FIRRM: variants seen among roughly 807,000 people sequenced by gnomAD.
FIRRM encodes the protein FIGNL1 interacting regulator of recombination and mitosis, also known as FIGNL1-interacting regulator of recombination and mitosis.
the FIRRM span, among the ~76,000 whole-genome samples, chr1:169,804,733 G>C: frequency 6.6e-6 from 1 of 151,812 alleles, no homozygotes; most frequent in Admixed American, 6.6e-5. Context: ...GCCCAGGCTG[G>C]AGTGCAGTGG....
the FIRRM span, among the ~76,000 whole-genome samples, chr1:169,800,029 T>TTTTG: frequency 0.018 from 2,678 of 152,120 alleles, 82 homozygotes; most frequent in African/African-American, 0.06. Flanking sequence ...TGGCCTGTGT[T>TTTTG]TTTGTTTGTT....
At chr1:169,787,989 T>G in the FIRRM span, among the ~76,000 whole-genome samples, 1 of 152,192 alleles carries the variant, frequency 6.6e-6, no homozygotes, top group African/African-American at 2.4e-5. Flanking sequence ...AAAGGGCAAG[T>G]GGGGCTAAAA....
At chr1:169,815,586 G>A in the FIRRM span, among the ~76,000 whole-genome samples, 2 of 152,196 alleles carry the variant, frequency 1.3e-5, no homozygotes, top group Admixed American at 6.5e-5. Context: ...ATAGTGAGCA[G>A]TGAGGACAAC....
chr1:169,806,235 T>C, the FIRRM span: 1 of 587,130 alleles, frequency 1.7e-6, no homozygotes, highest in African/African-American at 1.9e-5. Context: ...CCAGATATTC[T>C]ACATGTAGCT....
At chr1:169,852,207 G>C in the FIRRM span, 1 of 458,198 alleles carries the variant, frequency 2.2e-6, no homozygotes, top group Admixed American at 3.8e-5. Flanking sequence ...TATAAATGCA[G>C]TCTTTACTGA....
At chr1:169,787,937 G>A in the FIRRM span, among the ~76,000 whole-genome samples, 1 of 152,130 alleles carries the variant, frequency 6.6e-6, no homozygotes, top group African/African-American at 2.4e-5. Flanking sequence ...GAAGACTGTG[G>A]AAGTTTGTAG....
chr1:169,827,292 A>AT, the FIRRM span: 2 of 1,068,940 alleles, frequency 1.9e-6, no homozygotes, highest in African/African-American at 3.2e-5. Context: ...CAATTAAGAA[A>AT]TTTTTATTAA....
the FIRRM span, among the ~76,000 whole-genome samples, chr1:169,824,446 A>C: frequency 1.0e-2 from 1,520 of 152,304 alleles, 27 homozygotes; most frequent in African/African-American, 0.035. Context: ...AATACAAAAC[A>C]AAATCTCTTG....
At chr1:169,839,201 C>A in the FIRRM span, among the ~76,000 whole-genome samples, 2 of 152,198 alleles carry the variant, frequency 1.3e-5, no homozygotes, top group African/African-American at 4.8e-5. Flanking sequence ...GATTCCATGT[C>A]TGCTGTTGTG....
chr1:169,793,451 G>A, the FIRRM span: 5 of 1,614,164 alleles, frequency 3.1e-6, no homozygotes, highest in East Asian at 1.1e-4. Flanking sequence ...TGAACTGCTG[G>A]CTGCACTGAG....
At chr1:169,849,608 A>G in the FIRRM span, 1 of 1,595,706 alleles carries the variant, frequency 6.3e-7, no homozygotes, top group African/African-American at 1.3e-5. Context: ...CGCTGAGGTA[A>G]TTATAAAACT....
At chr1:169,837,478 C>CT in the FIRRM span, among the ~76,000 whole-genome samples, 1 of 152,136 alleles carries the variant, frequency 6.6e-6, no homozygotes, top group Non-Finnish European at 1.5e-5. Flanking sequence ...TACTCTGAAC[C>CT]TTTATGTACC....
the FIRRM span, among the ~76,000 whole-genome samples, chr1:169,811,769 TTATCTAAATAGATAATAGAC>T: frequency 7.2e-6 from 1 of 139,846 alleles, no homozygotes; most frequent in African/African-American, 2.9e-5. Context: ...AATAGACAGA[TTATCTAAATAGATAATAGAC>T]AGATTATCTA....
the FIRRM span, among the ~76,000 whole-genome samples, chr1:169,804,615 A>G: frequency 2.0e-5 from 3 of 152,328 alleles, no homozygotes; most frequent in African/African-American, 4.8e-5. Flanking sequence ...AAATATGTCT[A>G]TTCTCATATA....
At chr1:169,795,824 C>A in the FIRRM span, 1 of 959,114 alleles carries the variant, frequency 1.0e-6, no homozygotes, top group South Asian at 5.1e-5. Flanking sequence ...ACTCCTCTCA[C>A]CCAGGCTGGA....
At chr1:169,811,370 G>GT in the FIRRM span, among the ~76,000 whole-genome samples, 3 of 152,014 alleles carry the variant, frequency 2.0e-5, no homozygotes, top group African/African-American at 7.2e-5. Context: ...TATTTTAATT[G>GT]TTTTATTAAA....
chr1:169,795,942 C>T, the FIRRM span: 1 of 985,456 alleles, frequency 1.0e-6, no homozygotes, highest in South Asian at 4.7e-5. Flanking sequence ...TGGTCTCATG[C>T]CTTTGTGGTT....
the FIRRM span, among the ~76,000 whole-genome samples, chr1:169,789,643 C>T: frequency 1.3e-4 from 20 of 152,136 alleles, no homozygotes; most frequent in Admixed American, 1.2e-3. Context: ...GCAACCAAAG[C>T]TTCCAAAAAA....
At chr1:169,815,159 A>T in the FIRRM span, among the ~76,000 whole-genome samples, 1 of 151,542 alleles carries the variant, frequency 6.6e-6, no homozygotes, top group African/African-American at 2.4e-5. Context: ...AGCTGGGCAC[A>T]GTGGTGGGTG....
Sources: gnomAD v4.1 joint callset for allele counts (sites outside exome capture counted in the v4.1 genomes callset) on GRCh38, gnomAD v4.1.1 for gene constraint, MANE v1.5 for transcripts, NCBI Gene and HGNC (gene_info 2026-07-23, HGNC 2026-07-21) for gene names.